Variants in CFAP95 observed in about 807,000 individuals in gnomAD.
CFAP95 encodes cilia- and flagella-associated protein 95.
the CFAP95 span, among the ~76,000 whole-genome samples, chr9:69,843,353 G>C: frequency 6.6e-6 from 1 of 151,700 alleles, no homozygotes; most frequent in Non-Finnish European, 1.5e-5. Flanking sequence ...TTTCACTCAA[G>C]AAAGTTCTAT....
At chr9:69,898,775 G>A in the CFAP95 span, among the ~76,000 whole-genome samples, 3 of 152,006 alleles carry the variant, frequency 2.0e-5, no homozygotes, top group African/African-American at 7.2e-5. Flanking sequence ...TTCTCTCTAG[G>A]CCATCTGTCC....
the CFAP95 span, chr9:69,857,815 A>C: frequency 8.9e-7 from 1 of 1,123,880 alleles, no homozygotes; most frequent in Non-Finnish European, 1.3e-6. Flanking sequence ...GGCGTGAGCC[A>C]CTGCGCCCAG....
At chr9:69,821,116 CAG>C in the CFAP95 span, 10 of 1,497,106 alleles carry the variant, frequency 6.7e-6, no homozygotes, top group African/African-American at 4.2e-5. Context: ...AAAGGAGAGT[CAG>C]AGAGAGGGGA....
chr9:69,857,851 T>C, the CFAP95 span: 2 of 1,531,074 alleles, frequency 1.3e-6, no homozygotes, highest in Non-Finnish European at 1.8e-6. Context: ...TACATGGCTT[T>C]GAAAGTTTAC....
At chr9:69,862,804 A>G in the CFAP95 span, among the ~76,000 whole-genome samples, 1 of 152,184 alleles carries the variant, frequency 6.6e-6, no homozygotes, top group Non-Finnish European at 1.5e-5. Flanking sequence ...TCATAACTCA[A>G]CCTGTATCCC....
At chr9:69,856,540 C>T in the CFAP95 span, 3 of 1,505,428 alleles carry the variant, frequency 2.0e-6, no homozygotes, top group Non-Finnish European at 1.8e-6. Flanking sequence ...TTATATGTGG[C>T]TTCTATGTTT....
At chr9:69,824,228 A>G in the CFAP95 span, among the ~76,000 whole-genome samples, 1 of 152,234 alleles carries the variant, frequency 6.6e-6, no homozygotes, top group African/African-American at 2.4e-5. Flanking sequence ...ACAAAAAAGA[A>G]CAGGCAAGTG....
chr9:69,839,840 T>C, the CFAP95 span, among the ~76,000 whole-genome samples: 143,686 of 151,646 alleles, frequency 0.95, 68,310 homozygotes, highest in East Asian at 1. Flanking sequence ...CTTTGGGAGG[T>C]CTAGGTGGGT....
the CFAP95 span, among the ~76,000 whole-genome samples, chr9:69,880,480 A>G: frequency 6.6e-6 from 1 of 152,192 alleles, no homozygotes; most frequent in Non-Finnish European, 1.5e-5. Context: ...TTGTTGCAAA[A>G]GACAGAATCT....
At chr9:69,874,291 T>C in the CFAP95 span, among the ~76,000 whole-genome samples, 1 of 152,176 alleles carries the variant, frequency 6.6e-6, no homozygotes, top group African/African-American at 2.4e-5. Flanking sequence ...CAGACGGTCA[T>C]GTCAGCCTAA....
At chr9:69,872,651 A>G in the CFAP95 span, among the ~76,000 whole-genome samples, 7 of 152,032 alleles carry the variant, frequency 4.6e-5, no homozygotes, top group Non-Finnish European at 7.4e-5. Flanking sequence ...TTTCCTCTCC[A>G]CCTCTTACCC....
the CFAP95 span, chr9:69,844,511 C>T: frequency 1.2e-5 from 19 of 1,574,892 alleles, no homozygotes; most frequent in Admixed American, 2.0e-5. Context: ...CTAATTTTTT[C>T]TTAAGGCACC....
the CFAP95 span, among the ~76,000 whole-genome samples, chr9:69,887,946 TC>T: frequency 6.6e-6 from 1 of 152,294 alleles, no homozygotes; most frequent in East Asian, 1.9e-4. Context: ...AGCTCTGGCT[TC>T]CATCTGACTG....
At chr9:69,860,050 G>C in the CFAP95 span, among the ~76,000 whole-genome samples, 1 of 152,194 alleles carries the variant, frequency 6.6e-6, no homozygotes, top group Non-Finnish European at 1.5e-5. Context: ...CTATGAATGT[G>C]AAGGCCTAGG....
chr9:69,835,231 A>G, the CFAP95 span, among the ~76,000 whole-genome samples: 1 of 152,234 alleles, frequency 6.6e-6, no homozygotes, highest in Non-Finnish European at 1.5e-5. Context: ...TAAAATTTAA[A>G]ATTAATATAT....
chr9:69,862,812 C>A, the CFAP95 span, among the ~76,000 whole-genome samples: 76 of 152,244 alleles, frequency 5.0e-4, no homozygotes, highest in Middle Eastern at 3.4e-3. Flanking sequence ...CAACCTGTAT[C>A]CCACTGACTT....
chr9:69,833,369 C>G, the CFAP95 span, among the ~76,000 whole-genome samples: 5 of 152,052 alleles, frequency 3.3e-5, no homozygotes, highest in African/African-American at 1.2e-4. Context: ...AATAATACGT[C>G]ATTATGTATT....
chr9:69,882,199 C>G, the CFAP95 span, among the ~76,000 whole-genome samples: 1 of 152,108 alleles, frequency 6.6e-6, no homozygotes, highest in Non-Finnish European at 1.5e-5. Context: ...CCAGGCTGGT[C>G]TTGAACTCCT....
chr9:69,841,344 A>T, the CFAP95 span, among the ~76,000 whole-genome samples: 2 of 151,364 alleles, frequency 1.3e-5, no homozygotes, highest in Non-Finnish European at 2.9e-5. Flanking sequence ...TGCTGTAGGG[A>T]TGTACTCCGG....
Sources: allele counts gnomAD v4.1 joint callset (sites outside exome capture counted in the v4.1 genomes callset), GRCh38; gene constraint gnomAD v4.1.1; transcripts MANE v1.5; gene names NCBI Gene and HGNC (gene_info 2026-07-23, HGNC 2026-07-21).